The following GIPC3 variants were observed in gnomAD, a reference collection of about 807,000 sequenced individuals.
The protein encoded by GIPC3 is PDZ domain-containing protein GIPC3.
GIPC3 carries 16 observed loss-of-function variants against 27.3 expected under a neutral mutation model. That is an observed-to-expected ratio of 0.59 (90% CI 0.40 to 0.89). The LOEUF is 0.89. GIPC3 is among the 40% of genes least tolerant of loss of function. The probability of loss-of-function intolerance (pLI) is 0.00; values close to 1 mark genes in which losing one functional copy is unlikely to be tolerated. For missense variants in GIPC3, 440 were observed against 442.1 expected (o/e 1.00, Z 0.04); for synonymous variants, 194 against 184.6 (o/e 1.05, Z -0.41).
Position 3,585,666 on chromosome 19 carries a change from G to C in GIPC3, c.69G>C (p.Ala23=), listed in dbSNP as rs150473323. ...ETPRASAPPP[A]PSEPPAAPRA... ...CGCGCGCGTCTGCGCCCCCGCCCGC[G>C]CCCTCGGAGCCCCCGGCCGCGCCCC... Residue 23 remains alanine (A), a synonymous_variant, in exon 1 of 6, where the codon GCG becomes GCC. Transcript: ENST00000644452. 5.3e-4 allele frequency: 667 copies of C among 1,255,890 alleles called. 6 individuals are homozygous for C. The African/African-American group carries it at 9.8e-3, about 19-fold the overall frequency. The allele number at this position is 1,255,890 out of a possible 1,614,324, so 77.8% of individuals were successfully genotyped here.
Position 3,591,263 on chromosome 19 carries a change from T to C in GIPC3, c.*1073T>C, listed in dbSNP as rs763895429. The C allele has an allele frequency of 4.9e-6, 6 of 1,232,708 alleles. No homozygotes were observed. Among genetic ancestry groups the C allele is most frequent in the African/African-American group, 1.5e-5 (1 of 64,528 alleles). 76.4% of individuals were successfully genotyped at this position (1,232,708 alleles called of 1,614,324 possible). On this transcript the variant is annotated 3_prime_UTR_variant, in exon 6 of 6. Transcript: ENST00000644452. ...TAAGATCTGAGACCAAGCCCTGCTCTGAAGCCCAGGCCAGCTCTGAGACGA... is the reference window on the plus strand; with the variant it reads ...TAAGATCTGAGACCAAGCCCTGCTCCGAAGCCCAGGCCAGCTCTGAGACGA...
At chr19:3,589,977 C>A in intron 5 of GIPC3, 62 bp from the exon 6 acceptor site, 1 of 1,613,334 alleles carries the variant, frequency 6.2e-7, no homozygotes, top group Non-Finnish European at 8.5e-7. Context: ...AGGCAGGGGT[C>A]CCAGCGGGAA....
chr19:3,591,573 T>C lies in GIPC3; in HGVS notation c.*1383T>C. The C allele has an allele frequency of 8.1e-7, 1 of 1,231,712 alleles. No homozygotes were observed. The highest frequency in any genetic ancestry group is 1.0e-6 in the Non-Finnish European group (1 of 988,418). 76.3% of individuals were successfully genotyped at this position (1,231,712 alleles called of 1,614,324 possible). ...CTCTGGAACCCCAGTCAGCTCAGGA[T>C]TCAGAGACAGCTCCCAAATCAAATC... is the stretch of plus-strand genomic sequence containing the variant. On this transcript the variant is annotated 3_prime_UTR_variant, in exon 6 of 6. Coordinates refer to ENST00000644452, the MANE Select transcript of GIPC3 (RefSeq NM_133261.3).
chr19:3,589,502 G>A lies in GIPC3; in HGVS notation c.652G>A (p.Gly218Arg), dbSNP rs768692696. 24 of 1,613,938 alleles carry A rather than the reference G, an allele frequency of 1.5e-5. No homozygotes were observed. The highest frequency in any genetic ancestry group is 1.8e-5 in the Non-Finnish European group (21 of 1,180,032). Residue 218 changes from glycine to arginine, a missense_variant, in exon 4 of 6, where the codon GGG (glycine) becomes AGG (arginine). Gly to Arg is a moderately radical substitution (Grantham distance 125). Transcript: ENST00000644452. Reference sequence around the variant, plus strand: ...TCCAGTAGAGGCGAAAGTGACCAGCGGGAGGGAGACCCTGCGGCTTCGTTC... The same window carrying A: ...TCCAGTAGAGGCGAAAGTGACCAGCAGGAGGGAGACCCTGCGGCTTCGTTC... ...KCPVEAKVTS[G>R]RETLRLRSGG...
At position 3,592,264 on chromosome 19, in the gene GIPC3, TCCAGACCACAGCC is replaced by T; in HGVS notation, c.*2081_*2093del. The T allele has an allele frequency of 8.1e-7, 1 of 1,232,080 alleles. No individual in the cohort carries two copies. The allele number at this position is 1,232,080 out of a possible 1,614,324, so 76.3% of individuals were successfully genotyped here. A position where few individuals can be genotyped will look rare whatever the true frequency, so the allele number is the denominator to read the frequency against. ...ACCCTGCCAGGTTCTAGATACCAGCTCCAGACCACAGCCCCAGACAGCTCTGGTATTCAACTGG... is the reference window on the plus strand; with the variant it reads ...ACCCTGCCAGGTTCTAGATACCAGCTCCAGACAGCTCTGGTATTCAACTGG... On this transcript the variant is annotated 3_prime_UTR_variant, in exon 6 of 6. Transcript: ENST00000644452.
chr19:3,589,616 G>A, intron 4 of GIPC3, 61 bp downstream of exon 4: 1 of 1,410,172 alleles, frequency 7.1e-7, no homozygotes, highest in Non-Finnish European at 1.0e-6. Flanking sequence ...CACTGAGTCA[G>A]TGCGGTCTTG....
chr19:3,587,722 G>C (rs2032402395), intron 3 of GIPC3, among the ~76,000 whole-genome samples: 2 of 4,036 alleles, frequency 5.0e-4, no homozygotes, highest in South Asian at 0.011. Flanking sequence ...ACGGAGTCTA[G>C]CTCTGTCGCC....
At chr19:3,587,695 C>CTTTTCTTTTCT (rs2032400597) in intron 3 of GIPC3, among the ~76,000 whole-genome samples, 1 of 131,208 alleles carries the variant, frequency 7.6e-6, no homozygotes, top group African/African-American at 3.0e-5. Flanking sequence ...CTTTTCTTTT[C>CTTTTCTTTTCT]TTTTTTTTTT....
chr19:3,589,754 G>C, intron 4 of GIPC3, 77 bp from the exon 5 acceptor site: 1 of 1,409,080 alleles, frequency 7.1e-7, no homozygotes, highest in Non-Finnish European at 1.0e-6. Context: ...CTTCCCTTAG[G>C]GGTGGGGGTC....
Position 3,592,469 on chromosome 19 carries a change from TG to T in GIPC3, c.*2281del. On this transcript the variant is annotated 3_prime_UTR_variant, in exon 6 of 6. Transcript: ENST00000644452. ...CCAGCTCCAGAACTCAGACTAGTTCTGGAAACCAGCTCAGCTCCGGGACCCA... is the reference window on the plus strand; with the variant it reads ...CCAGCTCCAGAACTCAGACTAGTTCTGAAACCAGCTCAGCTCCGGGACCCA... 1 of 1,231,938 alleles carries T rather than the reference TG, an allele frequency of 8.1e-7. No homozygotes were observed. The highest frequency in any genetic ancestry group is 1.0e-6 in the Non-Finnish European group (1 of 987,972). The allele number at this position is 1,231,938 out of a possible 1,614,324, so 76.3% of individuals were successfully genotyped here.
At position 3,590,265 on chromosome 19, in the gene GIPC3, C is replaced by A; in HGVS notation, c.*75C>A. 2.6e-6 allele frequency: 4 copies of A among 1,521,042 alleles called. No homozygotes were observed. Among genetic ancestry groups the A allele is most frequent in the Non-Finnish European group, 3.5e-6 (4 of 1,132,226 alleles). 94.2% of individuals were successfully genotyped at this position (1,521,042 alleles called of 1,614,324 possible). ...GCCCCGGCCCTGCTCCAGAACCCAG[C>A]CCAGATCGGAGGACAAGTTCCTCTC... On this transcript the variant is annotated 3_prime_UTR_variant, in exon 6 of 6. Coordinates refer to ENST00000644452, the MANE Select transcript of GIPC3 (RefSeq NM_133261.3).
chr19:3,585,634 G>A lies in GIPC3; in HGVS notation c.37G>A (p.Glu13Lys). The change falls in exon 1 of 6, where the codon GAG (glutamate) becomes AAG (lysine). Residue 13 changes from glutamate (E) to lysine (K), a missense_variant. By Grantham distance (56) the Glu-to-Lys change is moderately conservative (BLOSUM62 1). Coordinates refer to ENST00000644452, the MANE Select transcript of GIPC3 (RefSeq NM_133261.3). ...AGCGGCCCGGGAGGCCCGGGGGACC[G>A]AGACCCCGCGCGCGTCTGCGCCCCC... Reference protein sequence around the residue: ...GAAAREARGTETPRASAPPPA... With the variant: ...GAAAREARGTKTPRASAPPPA... 1 of 1,186,428 alleles carries A rather than the reference G, an allele frequency of 8.4e-7. No homozygotes were observed. The highest frequency in any genetic ancestry group is 1.0e-6 in the Non-Finnish European group (1 of 961,176). 73.5% of individuals were successfully genotyped at this position (1,186,428 alleles called of 1,614,324 possible).
rs905025096 is a variant in GIPC3, at chr19:3,585,637, A to G, written c.40A>G (p.Thr14Ala). The G allele has an allele frequency of 1.7e-6, 2 of 1,188,608 alleles. No homozygotes were observed. The allele number at this position is 1,188,608 out of a possible 1,614,324, so 73.6% of individuals were successfully genotyped here. A position where few individuals can be genotyped will look rare whatever the true frequency, so the allele number is the denominator to read the frequency against. The change falls in exon 1 of 6, where the codon ACC becomes GCC. Residue 14 changes from threonine (T) to alanine (A), a missense_variant. Physicochemically the swap from Thr to Ala is moderately conservative, Grantham distance 58 (BLOSUM62 0). Coordinates refer to ENST00000644452, the MANE Select transcript of GIPC3 (RefSeq NM_133261.3). Reference sequence around the variant, plus strand: ...GGCCCGGGAGGCCCGGGGGACCGAGACCCCGCGCGCGTCTGCGCCCCCGCC... The same window carrying G: ...GGCCCGGGAGGCCCGGGGGACCGAGGCCCCGCGCGCGTCTGCGCCCCCGCC... Reference protein sequence around the residue: ...AAAREARGTETPRASAPPPAP... With the variant: ...AAAREARGTEAPRASAPPPAP...
chr19:3,592,254 A>G lies in GIPC3; in HGVS notation c.*2064A>G. The G allele has an allele frequency of 8.1e-7, 1 of 1,232,184 alleles. No individual in the cohort carries two copies. Among genetic ancestry groups the G allele is most frequent in the Non-Finnish European group, 1.0e-6 (1 of 988,062 alleles). The allele number at this position is 1,232,184 out of a possible 1,614,324, so 76.3% of individuals were successfully genotyped here. A position where few individuals can be genotyped will look rare whatever the true frequency, so the allele number is the denominator to read the frequency against. Reference sequence around the variant, plus strand: ...CGCCTCTAAAACCCTGCCAGGTTCTAGATACCAGCTCCAGACCACAGCCCC... The same window carrying G: ...CGCCTCTAAAACCCTGCCAGGTTCTGGATACCAGCTCCAGACCACAGCCCC... On this transcript the variant is annotated 3_prime_UTR_variant, in exon 6 of 6. Transcript: ENST00000644452.
At chr19:3,586,117 C>T (rs967661572) in intron 1 of GIPC3, among the ~76,000 whole-genome samples, 16 of 152,340 alleles carry the variant, frequency 1.1e-4, no homozygotes, top group African/African-American at 3.8e-4. Context: ...CTCGGGGAAG[C>T]GCCTCTGTGC....
intron 3 of GIPC3, among the ~76,000 whole-genome samples, chr19:3,587,784 G>A (rs1243910483): frequency 1.1e-4 from 15 of 137,834 alleles, no homozygotes; most frequent in Admixed American, 1.1e-3. Flanking sequence ...TCCGCCTCCC[G>A]GGTTCACACC....
Position 3,586,528 on chromosome 19 carries a change from G to A in GIPC3, c.259G>A (p.Asp87Asn). The change falls in exon 2 of 6, where the codon GAC (aspartate) becomes AAC (asparagine). Residue 87 changes from aspartate (D) to asparagine (N), a missense_variant. Coordinates refer to ENST00000644452, the MANE Select transcript of GIPC3 (RefSeq NM_133261.3). The stretch of plus-strand genomic sequence containing the variant: ...CTGCACCCTCAACAGCCACAAAGTG[G>A]ACATGCAGAAGCTCCTGGGGGGTCA... Reference protein sequence around the residue: ...LFCTLNSHKVDMQKLLGGQIG... With the variant: ...LFCTLNSHKVNMQKLLGGQIG... 1 of 1,613,914 alleles carries A rather than the reference G, an allele frequency of 6.2e-7. No homozygotes were observed. The highest frequency in any genetic ancestry group is 8.5e-7 in the Non-Finnish European group (1 of 1,179,996).
Position 3,590,522 on chromosome 19 carries a change from T to C in GIPC3, c.*332T>C, listed in dbSNP as rs1455626436. The C allele has an allele frequency of 3.6e-6, 5 of 1,379,010 alleles. No homozygotes were observed. Among genetic ancestry groups the C allele is most frequent in the East Asian group, 2.7e-5 (1 of 37,682 alleles). The allele number at this position is 1,379,010 out of a possible 1,614,324, so 85.4% of individuals were successfully genotyped here. On this transcript the variant is annotated 3_prime_UTR_variant, in exon 6 of 6. Transcript: ENST00000644452. ...TGCCCAGCACTGAGACCAAGCCCTG[T>C]TCTAGAACTCAGGCCTGCTCTGAGG...
chr19:3,587,695 C>CTTTTTTCTTTTCTTTT (rs548820972), intron 3 of GIPC3, among the ~76,000 whole-genome samples: 8 of 131,220 alleles, frequency 6.1e-5, no homozygotes, highest in African/African-American at 1.2e-4. Flanking sequence ...CTTTTCTTTT[C>CTTTTTTCTTTTCTTTT]TTTTTTTTTT....
Sources: gnomAD v4.1 joint callset for allele counts (sites outside exome capture counted in the v4.1 genomes callset) on GRCh38, gnomAD v4.1.1 for gene constraint, MANE v1.5 for transcripts, NCBI Gene and HGNC (gene_info 2026-07-23, HGNC 2026-07-21) for gene names.